Variants in SUDS3 observed in about 807,000 individuals in gnomAD.
SUDS3 encodes the protein sin3 histone deacetylase corepressor complex component SDS3.
In SUDS3, 23 loss-of-function variants were observed where a neutral mutation model predicts 53.5. That is an observed-to-expected ratio of 0.43 (90% confidence interval 0.31 to 0.61). The LOEUF (loss-of-function observed/expected upper bound fraction) is 0.61. Among genes scored for constraint, SUDS3 ranks in the 20% least tolerant of loss-of-function variants. SUDS3 has a pLI of 0.10. For missense variants in SUDS3, 291 were observed against 405.9 expected (o/e 0.72, Z 2.43); for synonymous variants, 150 against 148.5 (o/e 1.01, Z -0.08).
intron 6 of SUDS3, among the ~76,000 whole-genome samples, chr12:118,399,770 T>C (rs1176336615): frequency 1.3e-5 from 2 of 152,026 alleles, no homozygotes; most frequent in African/African-American, 2.4e-5. Context: ...GTCCCTGAGA[T>C]ACAGGAAAAG....
At chr12:118,384,191 C>G (rs577011141) in intron 3 of SUDS3, 124 bp downstream of exon 3, 1 of 947,238 alleles carries the variant, frequency 1.1e-6, no homozygotes, top group South Asian at 1.6e-5. Flanking sequence ...TCTTAGCTAT[C>G]CAGTACATTT....
intron 6 of SUDS3, among the ~76,000 whole-genome samples, chr12:118,394,605 C>T (rs2046197631): frequency 6.6e-6 from 1 of 152,224 alleles, no homozygotes; most frequent in Non-Finnish European, 1.5e-5. Flanking sequence ...AAAGCTGACA[C>T]AGCTTCCTTG....
intron 9 of SUDS3, among the ~76,000 whole-genome samples, chr12:118,402,870 C>T (rs1187521865): frequency 6.6e-6 from 1 of 151,848 alleles, no homozygotes; most frequent in Non-Finnish European, 1.5e-5. Flanking sequence ...AAGTGATTCT[C>T]CTGTCTCAGC....
chr12:118,386,303 G>C, intron 4 of SUDS3, 118 bp downstream of exon 4: 1 of 820,600 alleles, frequency 1.2e-6, no homozygotes, highest in South Asian at 1.8e-5. Context: ...CTCTGTCAGG[G>C]AGAGTTTTCA....
intron 6 of SUDS3, among the ~76,000 whole-genome samples, chr12:118,395,030 A>G (rs7137055): frequency 0.12 from 17,484 of 151,996 alleles, 1,270 homozygotes; most frequent in Middle Eastern, 0.19. Context: ...TTGTACTACT[A>G]TAGGAGCAGT....
chr12:118,386,107 A>G lies in SUDS3; in HGVS notation c.269-7A>G. On this transcript the variant is annotated splice_region_variant and splice_polypyrimidine_tract_variant and intron_variant, in intron 3 of 11. Transcript: ENST00000543473. ...AATAATTTTATTTTTCAAATGTTCA[A>G]AATCAGGTACATTACAGGAATATCA... The G allele has an allele frequency of 1.9e-6, 3 of 1,581,210 alleles. No homozygotes were observed. Among genetic ancestry groups the G allele is most frequent in the Non-Finnish European group, 2.6e-6 (3 of 1,161,862 alleles).
chr12:118,385,504 C>A (rs1320759086), intron 3 of SUDS3, among the ~76,000 whole-genome samples: 1 of 152,152 alleles, frequency 6.6e-6, no homozygotes, highest in Non-Finnish European at 1.5e-5. Flanking sequence ...GGAAACACTT[C>A]CCCCCACAAG....
At chr12:118,377,088 C>T (rs1055554792) in intron 1 of SUDS3, among the ~76,000 whole-genome samples, 4 of 152,042 alleles carry the variant, frequency 2.6e-5, no homozygotes, top group Non-Finnish European at 1.5e-5. Flanking sequence ...TTTAAGACCC[C>T]GTCCTCCCTC....
chr12:118,408,223 G>A (rs1593782141), intron 10 of SUDS3, among the ~76,000 whole-genome samples: 4 of 151,530 alleles, frequency 2.6e-5, no homozygotes, highest in Admixed American at 2.6e-4. Flanking sequence ...TAGTAGAGAC[G>A]GGGTTTCACC....
At chr12:118,386,592 C>T (rs1386169650) in intron 4 of SUDS3, among the ~76,000 whole-genome samples, 1 of 151,652 alleles carries the variant, frequency 6.6e-6, no homozygotes, top group South Asian at 2.1e-4. Flanking sequence ...GGAGGGTCTT[C>T]TTGTTATTTT....
rs781012886 is a variant in SUDS3 at position 118,376,862 on chromosome 12, G to A, written c.142+29G>A. 2.3e-5 allele frequency: 35 copies of A among 1,507,568 alleles called. 2 individuals are homozygous for A. In the South Asian group the frequency reaches 4.0e-4, roughly 17 times the overall value. The allele number at this position is 1,507,568 out of a possible 1,614,324, so 93.4% of individuals were successfully genotyped here. Reference sequence around the variant, plus strand: ...AGTCCTGCCGCTCGCCCGGCCGCCCGGAGCGGAGGTGGGACCGCTGGGGGA... The same window carrying A: ...AGTCCTGCCGCTCGCCCGGCCGCCCAGAGCGGAGGTGGGACCGCTGGGGGA... On this transcript the variant is annotated intron_variant, in intron 1 of 11. Coordinates refer to ENST00000543473, the MANE Select transcript of SUDS3 (RefSeq NM_022491.3).
rs1395194044 is a variant in SUDS3, at chr12:118,380,158, T to G, written c.143-4T>G. The stretch of plus-strand genomic sequence containing the variant: ...ACTAGCCCCTATTTCCTAACTTTAT[T>G]CAGACACTGAGGATGCTAGTGAAAC... On this transcript the variant is annotated splice_polypyrimidine_tract_variant and splice_region_variant and intron_variant, in intron 1 of 11. Transcript: ENST00000543473. 1.9e-6 allele frequency: 3 copies of G among 1,604,276 alleles called. No homozygotes were observed. The East Asian group carries it at 6.7e-5, about 36-fold the overall frequency.
chr12:118,401,594 A>G (rs1413399406), intron 7 of SUDS3, among the ~76,000 whole-genome samples, 165 bp from the exon 8 acceptor site: 1 of 152,224 alleles, frequency 6.6e-6, no homozygotes, highest in Non-Finnish European at 1.5e-5. Flanking sequence ...AAGTACCATG[A>G]CATTTAGTAG....
rs554807537 is a variant in SUDS3 at position 118,416,542 on chromosome 12, A to G, written c.*2109A>G. 6.6e-6 allele frequency: 1 copy of G among 152,272 alleles called. No homozygotes were observed. Among genetic ancestry groups the G allele is most frequent in the African/African-American group, 2.4e-5 (1 of 41,546 alleles). The allele number at this position is 152,272 out of a possible 1,614,324, so 9.4% of individuals were successfully genotyped here. On this transcript the variant is annotated 3_prime_UTR_variant, in exon 12 of 12. Coordinates refer to ENST00000543473, the MANE Select transcript of SUDS3 (RefSeq NM_022491.3). ...ATTGCCTTCTCCTCGGCGTCCTCACAACTCTTAATTGGGCCTAGTGAAAAT... is the reference window on the plus strand; with the variant it reads ...ATTGCCTTCTCCTCGGCGTCCTCACGACTCTTAATTGGGCCTAGTGAAAAT...
intron 2 of SUDS3, 92 bp downstream of exon 2, chr12:118,380,323 C>G: frequency 8.7e-7 from 1 of 1,144,268 alleles, no homozygotes; most frequent in Non-Finnish European, 1.2e-6. Flanking sequence ...CTCAGATGCT[C>G]CAAAATCTAA....
intron 6 of SUDS3, among the ~76,000 whole-genome samples, chr12:118,391,802 C>G (rs2046170548): frequency 6.6e-6 from 1 of 152,188 alleles, no homozygotes; most frequent in Admixed American, 6.5e-5. Flanking sequence ...ATCCTCTATG[C>G]TATTAGATCT....
chr12:118,406,368 C>T (rs1311485699), intron 10 of SUDS3, among the ~76,000 whole-genome samples: 5 of 152,114 alleles, frequency 3.3e-5, no homozygotes, highest in South Asian at 2.1e-4. Context: ...GTAGCTATAA[C>T]GTGGACTCAC....
At chr12:118,380,906 T>C (rs553409776) in intron 2 of SUDS3, among the ~76,000 whole-genome samples, 2 of 152,328 alleles carry the variant, frequency 1.3e-5, no homozygotes, top group South Asian at 2.1e-4. Context: ...GGTTTCACCA[T>C]GTTGGCCAGG....
At chr12:118,380,028 T>C in intron 1 of SUDS3, 134 bp from the exon 2 acceptor site, 1 of 707,192 alleles carries the variant, frequency 1.4e-6, no homozygotes, top group South Asian at 1.8e-5. Flanking sequence ...TGTTTTTCAT[T>C]GATGGCTTTG....
Sources: allele counts gnomAD v4.1 joint callset (sites outside exome capture counted in the v4.1 genomes callset), GRCh38; gene constraint gnomAD v4.1.1; transcripts MANE v1.5; gene names NCBI Gene and HGNC (gene_info 2026-07-23, HGNC 2026-07-21).